SNTG1: variants seen among roughly 807,000 people sequenced by gnomAD.
The protein encoded by SNTG1 is syntrophin gamma 1.
Under a neutral mutation model 74.7 loss-of-function variants are expected in SNTG1, and 39 were observed. That is an observed-to-expected ratio of 0.52 (90% confidence interval 0.40 to 0.68). The LOEUF (loss-of-function observed/expected upper bound fraction) is 0.68, where lower values mean the gene tolerates loss of function less well. SNTG1 is among the 30% of genes least tolerant of loss of function. The pLI is 0.00. For missense variants in SNTG1, 685 were observed against 609.5 expected (o/e 1.12, Z -1.30); for synonymous variants, 254 against 217.1 (o/e 1.17, Z -1.49).
chr8:50,646,240 A>G (rs899968146), intron 13 of SNTG1, among the ~76,000 whole-genome samples: 6 of 152,176 alleles, frequency 3.9e-5, no homozygotes, highest in African/African-American at 1.2e-4. Context: ...GAATTATAAC[A>G]TAATTAGATG....
chr8:50,201,028 G>T (rs1386183525), intron 2 of SNTG1, among the ~76,000 whole-genome samples: 1 of 151,910 alleles, frequency 6.6e-6, no homozygotes, highest in Non-Finnish European at 1.5e-5. Flanking sequence ...TTTATTTTAA[G>T]CATTAAAACT....
chr8:50,494,154 C>G (rs1172442352), intron 8 of SNTG1, among the ~76,000 whole-genome samples: 6 of 151,086 alleles, frequency 4.0e-5, no homozygotes, highest in African/African-American at 1.5e-4. Flanking sequence ...TATATATACA[C>G]ATATATATAT....
At chr8:50,664,799 T>G (rs760378606) in intron 15 of SNTG1, among the ~76,000 whole-genome samples, 5 of 152,194 alleles carry the variant, frequency 3.3e-5, no homozygotes, top group Non-Finnish European at 5.9e-5. Flanking sequence ...GTAGTTGTTA[T>G]GCTAACAGAG....
chr8:50,612,973 A>G (rs1474104680), intron 13 of SNTG1, among the ~76,000 whole-genome samples: 1 of 152,152 alleles, frequency 6.6e-6, no homozygotes, highest in East Asian at 1.9e-4. Flanking sequence ...AGCCAAGTGT[A>G]CAGGAAAAAA....
intron 1 of SNTG1, among the ~76,000 whole-genome samples, chr8:50,039,831 G>T (rs1167470156): frequency 6.6e-6 from 1 of 152,078 alleles, no homozygotes; most frequent in African/African-American, 2.4e-5. Flanking sequence ...CCTCAGACCC[G>T]TAAGTCATGA....
intron 8 of SNTG1, among the ~76,000 whole-genome samples, chr8:50,460,474 A>G (rs1381789571): frequency 6.6e-6 from 1 of 152,070 alleles, no homozygotes; most frequent in African/African-American, 2.4e-5. Context: ...GCTGTGCAGA[A>G]GCTGTTTAGT....
chr8:50,473,782 A>G (rs1037460921), intron 8 of SNTG1, among the ~76,000 whole-genome samples: 2 of 152,158 alleles, frequency 1.3e-5, no homozygotes, highest in South Asian at 2.1e-4. Flanking sequence ...ATAAACCTTG[A>G]TGACATTATG....
chr8:50,104,750 C>A (rs1366032204), intron 1 of SNTG1, among the ~76,000 whole-genome samples: 1 of 152,154 alleles, frequency 6.6e-6, no homozygotes, highest in Non-Finnish European at 1.5e-5. Context: ...CCCACAGATT[C>A]TGGTATGTTG....
chr8:49,970,253 C>T (rs886331791), intron 1 of SNTG1, among the ~76,000 whole-genome samples: 5 of 152,040 alleles, frequency 3.3e-5, no homozygotes, highest in African/African-American at 9.7e-5. Context: ...AATTTCAGCA[C>T]CAACAAACAG....
intron 2 of SNTG1, among the ~76,000 whole-genome samples, chr8:50,372,225 T>G (rs1276356038): frequency 3.9e-5 from 6 of 152,046 alleles, no homozygotes; most frequent in African/African-American, 7.2e-5. Context: ...TCTGTGTGTG[T>G]GTGTGTGTGG....
chr8:50,504,156 C>T (rs1048019128), intron 9 of SNTG1, among the ~76,000 whole-genome samples: 1 of 152,096 alleles, frequency 6.6e-6, no homozygotes, highest in Non-Finnish European at 1.5e-5. Context: ...CCATCCATGT[C>T]CCTGCAGTGG....
intron 1 of SNTG1, among the ~76,000 whole-genome samples, chr8:50,111,609 T>C (rs2080593401): frequency 6.6e-6 from 1 of 152,160 alleles, no homozygotes; most frequent in Non-Finnish European, 1.5e-5. Context: ...TATGATATTT[T>C]ATTATGGCAG....
At chr8:50,416,055 C>A (rs1340024669) in intron 4 of SNTG1, among the ~76,000 whole-genome samples, 1 of 152,142 alleles carries the variant, frequency 6.6e-6, no homozygotes, top group Non-Finnish European at 1.5e-5. Flanking sequence ...AATGTCAATG[C>A]TTTTATCTTC....
chr8:50,069,933 G>A (rs1393404288), intron 1 of SNTG1, among the ~76,000 whole-genome samples: 1 of 152,022 alleles, frequency 6.6e-6, no homozygotes, highest in African/African-American at 2.4e-5. Context: ...CAGCCTGTGG[G>A]TGCTTCTGTG....
At chr8:50,199,560 C>T (rs772420500) in intron 2 of SNTG1, among the ~76,000 whole-genome samples, 9 of 152,058 alleles carry the variant, frequency 5.9e-5, no homozygotes, top group Non-Finnish European at 1.0e-4. Flanking sequence ...AATCAACCAA[C>T]GTGGAGTTGA....
At chr8:50,027,094 T>C (rs1216123741) in intron 1 of SNTG1, among the ~76,000 whole-genome samples, 1 of 152,134 alleles carries the variant, frequency 6.6e-6, no homozygotes, top group Non-Finnish European at 1.5e-5. Flanking sequence ...GATTGACCAT[T>C]CGACACATTA....
chr8:50,730,831 T>C (rs566886840), intron 17 of SNTG1, among the ~76,000 whole-genome samples: 1 of 152,290 alleles, frequency 6.6e-6, no homozygotes, highest in Non-Finnish European at 1.5e-5. Flanking sequence ...ACTTCTGACA[T>C]TCAAGTTTGC....
chr8:50,595,380 A>G (rs1343107608), intron 13 of SNTG1, among the ~76,000 whole-genome samples: 1 of 152,108 alleles, frequency 6.6e-6, no homozygotes, highest in African/African-American at 2.4e-5. Context: ...GATAACAAAC[A>G]TGATGGATAT....
intron 2 of SNTG1, among the ~76,000 whole-genome samples, chr8:50,191,067 T>G (rs2083556195): frequency 6.6e-6 from 1 of 152,176 alleles, no homozygotes; most frequent in Admixed American, 6.6e-5. Context: ...TTCAGAATTC[T>G]CTATTTTCAT....
Sources: allele counts gnomAD v4.1 joint callset (sites outside exome capture counted in the v4.1 genomes callset), GRCh38; gene constraint gnomAD v4.1.1; transcripts MANE v1.5; gene names NCBI Gene and HGNC (gene_info 2026-07-23, HGNC 2026-07-21).